Variants in SAMD12 observed in about 807,000 individuals in gnomAD.
The protein encoded by SAMD12 is sterile alpha motif domain containing 12.
In SAMD12, 9 loss-of-function variants were observed where a neutral mutation model predicts 15.0. The observed-to-expected ratio is 0.60, with a 90% confidence interval of 0.36 to 1.05. SAMD12 has a LOEUF of 1.05. Ranked by LOEUF, SAMD12 falls within the 50% of genes least tolerant of loss-of-function variation. SAMD12 has a pLI of 0.01. For missense variants in SAMD12, 230 were observed against 234.2 expected (o/e 0.98, Z 0.12); for synonymous variants, 86 against 90.1 (o/e 0.96, Z 0.25).
In SAMD12 at chr8:118,253,179, G is replaced by A. The variant is rs11562790; in HGVS notation, c.434-55447C>T. Among the ~76,000 whole-genome samples the A allele has an allele frequency of 3.2e-3, 493 of 152,288 alleles. 1 individual carries two copies. The highest frequency in any genetic ancestry group is 4.6e-3 in the Non-Finnish European group (311 of 68,020). ...CACACATTCAATGTTCCCAATCTTC[G>A]TTTCTAGCAAAACTAAGTAGAGTAG... is the stretch of plus-strand genomic sequence containing the variant. On this transcript the variant is annotated intron_variant, in intron 4 of 4. Coordinates refer to the SAMD12 transcript ENST00000409003.
In SAMD12 at chr8:118,253,364, C is replaced by G. The variant is rs28370863; in HGVS notation, c.434-55632G>C. Reference sequence around the variant, plus strand: ...AATGGGAATAGGGGCAATACATATTCTATACAATTTCTGTACCATGATTAA... The same window carrying G: ...AATGGGAATAGGGGCAATACATATTGTATACAATTTCTGTACCATGATTAA... On this transcript the variant is annotated intron_variant, in intron 4 of 4. Coordinates refer to the SAMD12 transcript ENST00000409003. Among the ~76,000 whole-genome samples the G allele has an allele frequency of 2.6e-5, 4 of 152,170 alleles. No homozygotes were observed. The South Asian group carries it at 8.3e-4, about 32-fold the overall frequency.
chr8:118,146,990 A>T, the SAMD12 span, among the ~76,000 whole-genome samples: 1 of 152,048 alleles, frequency 6.6e-6, no homozygotes, highest in Non-Finnish European at 1.5e-5. Context: ...TTGATTTTAT[A>T]TAATGCTTAG....
chr8:118,244,775 C>A (rs1454724432), intron 4 of SAMD12, among the ~76,000 whole-genome samples: 2 of 151,820 alleles, frequency 1.3e-5, no homozygotes, highest in Non-Finnish European at 2.9e-5. Flanking sequence ...TTGTTTTGTG[C>A]CCAGAAGGAA....
the SAMD12 span, among the ~76,000 whole-genome samples, chr8:118,135,971 C>G: frequency 2.0e-5 from 3 of 152,152 alleles, no homozygotes; most frequent in African/African-American, 4.8e-5. Context: ...CCGCTTTGTC[C>G]CCACTTTGTC....
At chr8:118,163,874 C>CAAACAAAACAAAACAAAACA in the SAMD12 span, among the ~76,000 whole-genome samples, 515 of 149,272 alleles carry the variant, frequency 3.5e-3, 9 homozygotes, top group South Asian at 0.038. Flanking sequence ...GACTCCGTCT[C>CAAACAAAACAAAACAAAACA]AAACAAAACA....
At chr8:118,178,821 C>A in the SAMD12 span, among the ~76,000 whole-genome samples, 1 of 152,194 alleles carries the variant, frequency 6.6e-6, no homozygotes, top group African/African-American at 2.4e-5. Context: ...CCACAGCAGA[C>A]AAATCCTGAA....
the SAMD12 span, among the ~76,000 whole-genome samples, chr8:118,168,723 A>C: frequency 6.6e-6 from 1 of 152,120 alleles, no homozygotes; most frequent in Non-Finnish European, 1.5e-5. Flanking sequence ...AGGAAAAAAA[A>C]CTTCAAAAAT....
the SAMD12 span, among the ~76,000 whole-genome samples, chr8:118,162,092 G>A: frequency 4.6e-5 from 7 of 151,122 alleles, no homozygotes; most frequent in East Asian, 3.9e-4. Flanking sequence ...CCTGGAAGGC[G>A]GAGGTTTCAG....
intron 2 of SAMD12, among the ~76,000 whole-genome samples, chr8:118,550,181 C>T (rs1826279647): frequency 6.6e-6 from 1 of 152,098 alleles, no homozygotes; most frequent in Non-Finnish European, 1.5e-5. Context: ...CAGAGAACGC[C>T]ACAAAGATAC....
At chr8:118,205,992 C>A (rs1819853198) in intron 4 of SAMD12, among the ~76,000 whole-genome samples, 1 of 152,172 alleles carries the variant, frequency 6.6e-6, no homozygotes, top group South Asian at 2.1e-4. Flanking sequence ...ACACTGTGAG[C>A]CTGAAAAACC....
At chr8:118,364,171 T>G (rs1818647792) in intron 4 of SAMD12, among the ~76,000 whole-genome samples, 1 of 152,202 alleles carries the variant, frequency 6.6e-6, no homozygotes, top group African/African-American at 2.4e-5. Context: ...CCATGATAAC[T>G]TTGCCCTTAT....
At chr8:118,270,912 G>A (rs1483782368) in intron 4 of SAMD12, among the ~76,000 whole-genome samples, 4 of 152,250 alleles carry the variant, frequency 2.6e-5, no homozygotes, top group Non-Finnish European at 5.9e-5. Context: ...TTTATAACAT[G>A]AGAAGTCCAA....
chr8:118,489,859 T>C (rs962413473), intron 2 of SAMD12, among the ~76,000 whole-genome samples: 3 of 152,150 alleles, frequency 2.0e-5, no homozygotes, highest in African/African-American at 7.2e-5. Context: ...TCAAAACAAC[T>C]ACACAAATTA....
At chr8:118,428,550 C>T (rs751227926) in intron 3 of SAMD12, among the ~76,000 whole-genome samples, 17 of 151,976 alleles carry the variant, frequency 1.1e-4, no homozygotes, top group Non-Finnish European at 2.1e-4. Flanking sequence ...TTCTCTTATG[C>T]TTCCTTCTAT....
the SAMD12 span, among the ~76,000 whole-genome samples, chr8:118,156,972 G>A: frequency 6.6e-6 from 1 of 152,118 alleles, no homozygotes; most frequent in Non-Finnish European, 1.5e-5. Flanking sequence ...TAGAAGGGTT[G>A]GATATTCAAG....
Position 118,385,677 on chromosome 8 carries a change from C to T in SAMD12, c.323-5977G>A, listed in dbSNP as rs111340231. On this transcript the variant is annotated intron_variant, in intron 3 of 3. Transcript: ENST00000314727. ...CTCTCCTGTCAGGTGCCCTGTTACCCCCAGGATTCCCTGGTGCTGCCTGTG... is the reference window on the plus strand; with the variant it reads ...CTCTCCTGTCAGGTGCCCTGTTACCTCCAGGATTCCCTGGTGCTGCCTGTG... 1.1e-4 allele frequency among the ~76,000 whole-genome samples: 16 copies of T among 152,258 alleles called. 1 individual carries two copies. In the South Asian group the frequency reaches 1.7e-3, roughly 16 times the overall value.
At chr8:118,160,498 G>T in the SAMD12 span, among the ~76,000 whole-genome samples, 1 of 152,182 alleles carries the variant, frequency 6.6e-6, no homozygotes, top group African/African-American at 2.4e-5. Flanking sequence ...TAGGGAAATA[G>T]ATCAATGATA....
At chr8:118,294,992 TC>T (rs1277583950) in intron 4 of SAMD12, among the ~76,000 whole-genome samples, 1 of 152,102 alleles carries the variant, frequency 6.6e-6, no homozygotes, top group Non-Finnish European at 1.5e-5. Context: ...ATGGGGAGGA[TC>T]CCGCTTTAGT....
At chr8:118,339,021 C>T (rs1817216231) in intron 4 of SAMD12, among the ~76,000 whole-genome samples, 1 of 152,110 alleles carries the variant, frequency 6.6e-6, no homozygotes, top group South Asian at 2.1e-4. Context: ...GTTTCACTAA[C>T]AACCTCATAA....
Sources: gnomAD v4.1 joint callset for allele counts (sites outside exome capture counted in the v4.1 genomes callset) on GRCh38, gnomAD v4.1.1 for gene constraint, MANE v1.5 for transcripts, NCBI Gene and HGNC (gene_info 2026-07-23, HGNC 2026-07-21) for gene names.